The following LDLRAD4 variants were observed in gnomAD, a reference collection of about 807,000 sequenced individuals.
LDLRAD4 encodes low density lipoprotein receptor class A domain containing 4, also known as low-density lipoprotein receptor class A domain-containing protein 4.
A neutral mutation model predicts 17.0 loss-of-function variants in LDLRAD4; 5 were observed. The observed-to-expected ratio is 0.29, with a 90% CI of 0.15 to 0.62. The LOEUF is 0.62. Among genes scored for constraint, LDLRAD4 ranks in the 20% least tolerant of loss-of-function variants. The probability of loss-of-function intolerance (pLI) is 0.84; values close to 1 mark genes in which losing one functional copy is unlikely to be tolerated. For synonymous variants in LDLRAD4, 168 were observed against 171.8 expected (o/e 0.98, Z 0.17); for missense variants, 340 against 424.7 (o/e 0.80, Z 1.75).
intron 1 of LDLRAD4, among the ~76,000 whole-genome samples, chr18:13,262,089 T>C (rs1192117513): frequency 6.4e-4 from 65 of 102,348 alleles, no homozygotes; most frequent in African/African-American, 1.8e-3. Context: ...GAGTCCCGTG[T>C]GGCTCTGTGT....
At chr18:13,633,295 G>T in intron 4 of LDLRAD4, among the ~76,000 whole-genome samples, 1 of 152,226 alleles carries the variant, frequency 6.6e-6, no homozygotes, top group East Asian at 1.9e-4. Flanking sequence ...AGCATCCTAA[G>T]TTCTTACTCT....
At chr18:13,472,536 G>GT (rs1287438348) in intron 3 of LDLRAD4, 1 of 152,220 alleles carries the variant, frequency 6.6e-6, no homozygotes, top group African/African-American at 2.4e-5. Flanking sequence ...AGGTCTGAGG[G>GT]TTTGGGCGTC....
At chr18:13,591,976 C>T (rs1451248579) in intron 3 of LDLRAD4, among the ~76,000 whole-genome samples, 4 of 152,116 alleles carry the variant, frequency 2.6e-5, no homozygotes, top group South Asian at 2.1e-4. Context: ...GACAGGGTGT[C>T]GGGTTCCAGC....
At position 13,321,995 on chromosome 18, in the gene LDLRAD4, A is replaced by AT. The variant is rs977588001; in HGVS notation, c.-383+43817dup. ...GAAAGCCAGAATAATTATATTTAGA[A>AT]TTTTTTTTTTACAAAAAACTAGCAA... On this transcript the variant is annotated intron_variant, in intron 1 of 5. Coordinates refer to ENST00000359446, the Ensembl canonical transcript of LDLRAD4. Among the ~76,000 whole-genome samples, 375 of 148,668 alleles carry AT rather than the reference A, an allele frequency of 2.5e-3. 2 individuals are homozygous for AT. The highest frequency in any genetic ancestry group is 1.2e-3 in the Non-Finnish European group (78 of 67,176).
intron 3 of LDLRAD4, among the ~76,000 whole-genome samples, chr18:13,532,974 A>G (rs745307519): frequency 7.9e-5 from 12 of 152,354 alleles, no homozygotes; most frequent in Admixed American, 3.9e-4. Flanking sequence ...AAGCAAAACA[A>G]CACTCGGGAA....
chr18:13,418,962 G>C (rs1403440439), intron 2 of LDLRAD4, among the ~76,000 whole-genome samples: 1 of 152,156 alleles, frequency 6.6e-6, no homozygotes, highest in Non-Finnish European at 1.5e-5. Context: ...TTTAGTGGTG[G>C]CTTGATTCTA....
At position 13,544,975 on chromosome 18, in the gene LDLRAD4, A is replaced by T. The variant is rs552735074; in HGVS notation, c.182-76142A>T. On this transcript the variant is annotated intron_variant, in intron 3 of 5. Coordinates refer to ENST00000359446, the Ensembl canonical transcript of LDLRAD4. ...TATTACTTTTATAATTGAAAGTATT[A>T]TTAGAGAAAACATACATTAAACTTT... 1.3e-3 allele frequency among the ~76,000 whole-genome samples: 192 copies of T among 147,062 alleles called. 1 individual carries two copies. The highest frequency in any genetic ancestry group is 4.7e-3 in the African/African-American group (186 of 39,732).
intron 1 of LDLRAD4, among the ~76,000 whole-genome samples, chr18:13,355,148 G>A (rs372242909): frequency 1.7e-3 from 262 of 152,330 alleles, no homozygotes; most frequent in African/African-American, 5.8e-3. Context: ...CAGATGAGGC[G>A]CGTGCTCCTG....
At chr18:13,351,626 C>T (rs1235058483) in intron 1 of LDLRAD4, among the ~76,000 whole-genome samples, 1 of 152,030 alleles carries the variant, frequency 6.6e-6, no homozygotes, top group African/African-American at 2.4e-5. Flanking sequence ...AATTAATAGC[C>T]TACCAACCGA....
intron 1 of LDLRAD4, among the ~76,000 whole-genome samples, chr18:13,307,198 A>AGTTACAC (rs943669457): frequency 1.3e-5 from 2 of 152,168 alleles, no homozygotes; most frequent in African/African-American, 4.8e-5. Context: ...TGTTTTGTGA[A>AGTTACAC]GTTACACCAA....
intron 1 of LDLRAD4, among the ~76,000 whole-genome samples, chr18:13,340,202 C>T (rs181299114): frequency 9.2e-5 from 14 of 152,304 alleles, no homozygotes; most frequent in Non-Finnish European, 2.1e-4. Flanking sequence ...CACCTTTGGG[C>T]TACTGTGAAT....
intron 1 of LDLRAD4, among the ~76,000 whole-genome samples, chr18:13,349,277 T>C (rs1026428809): frequency 2.6e-5 from 4 of 152,240 alleles, no homozygotes; most frequent in Admixed American, 6.5e-5. Context: ...AACTACTCTT[T>C]TACAGCTCCA....
At chr18:13,636,973 T>C (rs1185380068) in intron 4 of LDLRAD4, among the ~76,000 whole-genome samples, 1 of 151,830 alleles carries the variant, frequency 6.6e-6, no homozygotes, top group Non-Finnish European at 1.5e-5. Context: ...AATTTTTGTA[T>C]TTTCAATAGA....
chr18:13,445,612 AGT>A (rs879721459), intron 3 of LDLRAD4, among the ~76,000 whole-genome samples: 7 of 148,808 alleles, frequency 4.7e-5, no homozygotes, highest in African/African-American at 9.9e-5. Context: ...TGTATTCATG[AGT>A]GTGTGTGCGT....
At chr18:13,355,724 T>C (rs1173091060) in intron 1 of LDLRAD4, among the ~76,000 whole-genome samples, 1 of 152,172 alleles carries the variant, frequency 6.6e-6, no homozygotes, top group Non-Finnish European at 1.5e-5. Flanking sequence ...CTCAAGCTCC[T>C]GGGCTCAAGG....
chr18:13,320,856 C>G (rs1424999374), intron 1 of LDLRAD4, among the ~76,000 whole-genome samples: 2 of 152,204 alleles, frequency 1.3e-5, no homozygotes, highest in Non-Finnish European at 2.9e-5. Flanking sequence ...TTCAGGAGTT[C>G]AAAGCCTAAC....
intron 3 of LDLRAD4, among the ~76,000 whole-genome samples, chr18:13,573,092 T>A (rs2094715679): frequency 6.6e-6 from 1 of 152,178 alleles, no homozygotes; most frequent in Admixed American, 6.5e-5. Context: ...TATTTTATTT[T>A]ATTTTTATTT....
chr18:13,348,739 C>T (rs547472899), intron 1 of LDLRAD4, among the ~76,000 whole-genome samples: 18 of 152,232 alleles, frequency 1.2e-4, no homozygotes, highest in African/African-American at 3.4e-4. Context: ...GCTTCCCAGC[C>T]GCTTTGTTTA....
At chr18:13,301,533 G>A (rs1025565131) in intron 1 of LDLRAD4, among the ~76,000 whole-genome samples, 7 of 152,176 alleles carry the variant, frequency 4.6e-5, no homozygotes, top group East Asian at 3.9e-4. Context: ...AGCAGGAACC[G>A]TAGGGGTGGC....
Sources: allele counts gnomAD v4.1 joint callset (sites outside exome capture counted in the v4.1 genomes callset), GRCh38; gene constraint gnomAD v4.1.1; transcripts MANE v1.5; gene names NCBI Gene and HGNC (gene_info 2026-07-23, HGNC 2026-07-21).